The following SLC27A3 variants were observed in gnomAD, a reference collection of about 807,000 sequenced individuals.
The protein encoded by SLC27A3 is solute carrier family 27 member 3.
SLC27A3 carries 60 observed loss-of-function variants against 60.1 expected under a neutral mutation model. That is an observed-to-expected ratio of 1.00 (90% CI 0.81 to 1.24). The LOEUF (loss-of-function observed/expected upper bound fraction) is 1.24. Ranked by LOEUF, SLC27A3 falls within the 50% of genes most tolerant of loss-of-function variation. The pLI is 0.00. For missense variants in SLC27A3, 1,079 were observed against 929.9 expected, an observed-to-expected ratio of 1.16 and a Z score of -2.09; for synonymous variants, 455 against 409.0, an observed-to-expected ratio of 1.11 and a Z score of -1.36.
In SLC27A3 at chr1:153,775,441, T is replaced by A; in HGVS notation, c.-57T>A. The A allele has an allele frequency of 6.2e-7, 1 of 1,612,256 alleles. No individual in the cohort carries two copies. The highest frequency in any genetic ancestry group is 8.5e-7 in the Non-Finnish European group (1 of 1,180,008). ...GGCCCTAGGTTTTCGGAAGGGAGGA[T>A]CAGGGATGTTTGCGAGCGGCTGGAA... On this transcript the variant is annotated 5_prime_UTR_variant, in exon 1 of 10. Transcript: ENST00000624995.
chr1:153,777,670 A>G, intron 3 of SLC27A3, 91 bp from the exon 4 acceptor site: 2 of 1,497,488 alleles, frequency 1.3e-6, no homozygotes, highest in Non-Finnish European at 9.2e-7. Context: ...GAAAGACTAC[A>G]GTGATGGCTG....
chr1:153,776,142 G>A lies in SLC27A3; in HGVS notation c.645G>A (p.Ala215=). 1 of 1,427,764 alleles carries A rather than the reference G, an allele frequency of 7.0e-7. No homozygotes were observed. The highest frequency in any genetic ancestry group is 9.1e-7 in the Non-Finnish European group (1 of 1,103,418). The allele number at this position is 1,427,764 out of a possible 1,614,324, so 88.4% of individuals were successfully genotyped here. The change falls in exon 1 of 10, where the codon GCG becomes GCA. Residue 215 remains alanine (A), a synonymous_variant. Coordinates refer to ENST00000624995, the MANE Select transcript of SLC27A3 (RefSeq NM_024330.4). ...TGCACTGCCTCCGCAGCTGCGGCGC[G>A]CGCGCGCTGGTGCTGGCGCCAGGTA... ...PLLHCLRSCG[A]RALVLAPEFL...
At chr1:153,777,512 TGA>T (rs1414051607) in intron 3 of SLC27A3, 1 of 608,700 alleles carries the variant, frequency 1.6e-6, no homozygotes, top group Non-Finnish European at 2.9e-6. Context: ...GACAAGGAAG[TGA>T]GAGTGTGGAG....
Position 153,777,094 on chromosome 1 carries a change from A to G in SLC27A3, c.910A>G (p.Lys304Glu). 2 of 1,614,214 alleles carry G rather than the reference A, an allele frequency of 1.2e-6. No homozygotes were observed. Among genetic ancestry groups the G allele is most frequent in the East Asian group, 2.2e-5 (1 of 44,884 alleles). The change falls in exon 3 of 10, where the codon AAG becomes GAG. Residue 304 changes from lysine (K) to glutamate (E), a missense_variant. By Grantham distance (56) the Lys-to-Glu change is moderately conservative. Coordinates refer to ENST00000624995, the MANE Select transcript of SLC27A3 (RefSeq NM_024330.4). ...LPKAARISHL[K>E]ILQCQGFYQL... ...CAAGGCTGCTCGGATCAGTCATCTG[A>G]AGATCCTGCAATGCCAGGGCTTCTA...
In SLC27A3 at chr1:153,775,657, G is replaced by A; in HGVS notation, c.160G>A (p.Ala54Thr). ...TCTTCGAGCTCGCGCCCTGGCCGCG[G>A]CTGCCGCCGACCCGGAAGGTCCCGA... Reference protein sequence around the residue: ...RALRARALAAAAADPEGPEGG... With the variant: ...RALRARALAATAADPEGPEGG... Residue 54 changes from alanine to threonine, a missense_variant, in exon 1 of 10, where the codon GCT (alanine) becomes ACT (threonine). Transcript: ENST00000624995. The A allele has an allele frequency of 1.3e-6, 2 of 1,530,334 alleles. No individual in the cohort carries two copies. Among genetic ancestry groups the A allele is most frequent in the Non-Finnish European group, 1.8e-6 (2 of 1,139,746 alleles). The allele number at this position is 1,530,334 out of a possible 1,614,324, so 94.8% of individuals were successfully genotyped here. A position where few individuals can be genotyped will look rare whatever the true frequency, so the allele number is the denominator to read the frequency against.
rs1202502545 is a variant in SLC27A3, at chr1:153,776,022, C to T, written c.525C>T (p.Pro175=). The change falls in exon 1 of 10, where the codon CCC becomes CCT. Residue 175 remains proline, a synonymous_variant. Transcript: ENST00000624995. ...SPGATVALLL[P]AGPEFLWLWF... ...GAGCAACTGTGGCGCTGCTCCTCCC[C>T]GCTGGCCCAGAGTTTCTGTGGCTCT... 2 of 1,453,280 alleles carry T rather than the reference C, an allele frequency of 1.4e-6. No homozygotes were observed. The highest frequency in any genetic ancestry group is 1.8e-6 in the Non-Finnish European group (2 of 1,110,280). 90.0% of individuals were successfully genotyped at this position (1,453,280 alleles called of 1,614,324 possible).
In SLC27A3 at chr1:153,778,283, A is replaced by AGAG. The variant is rs1022250705; in HGVS notation, c.1286_1288dup (p.Glu429dup). 1 of 1,614,140 alleles carries AGAG rather than the reference A, an allele frequency of 6.2e-7. No homozygotes were observed. Among genetic ancestry groups the AGAG allele is most frequent in the African/African-American group, 1.3e-5 (1 of 75,030 alleles). ...AGGTGCTGGAGACATATGGACTGACAGAGGGCAACGTGGCCACCATCAACT... is the reference window on the plus strand; with the variant it reads ...AGGTGCTGGAGACATATGGACTGACAGAGGAGGGCAACGTGGCCACCATCAACT... On this transcript the variant is annotated inframe_insertion, in exon 5 of 10. Transcript: ENST00000624995.
At chr1:153,776,226 A>G (rs1317180023) in intron 1 of SLC27A3, 62 bp downstream of exon 1, 4 of 1,401,858 alleles carry the variant, frequency 2.9e-6, no homozygotes, top group Non-Finnish European at 3.7e-6. Context: ...CGTGTCGGAG[A>G]CCACAGAAAG....
At chr1:153,777,248 A>G (rs760915845) in intron 3 of SLC27A3, 28 bp downstream of exon 3, 2 of 1,613,086 alleles carry the variant, frequency 1.2e-6, no homozygotes, top group East Asian at 2.2e-5. Flanking sequence ...CACCTTCATT[A>G]ATTCATCCAG....
intron 3 of SLC27A3, 30 bp downstream of exon 3, chr1:153,777,250 T>G: frequency 6.2e-7 from 1 of 1,612,966 alleles, no homozygotes; most frequent in Non-Finnish European, 8.5e-7. Context: ...CCTTCATTAA[T>G]TCATCCAGTA....
rs765162301 is a variant in SLC27A3, at chr1:153,776,099, T to C, written c.602T>C (p.Leu201Pro). ...CGCACTGCCTTTGTGCCCACCGCCC[T>C]GCGCCGGGGCCCCCTGCTGCACTGC... The part of the protein sequence containing the change: ...GLRTAFVPTA[L>P]RRGPLLHCLR... The change falls in exon 1 of 10, where the codon CTG becomes CCG. Residue 201 changes from leucine to proline, a missense_variant. Coordinates refer to ENST00000624995, the MANE Select transcript of SLC27A3 (RefSeq NM_024330.4). 14 of 1,481,186 alleles carry C rather than the reference T, an allele frequency of 9.5e-6. No homozygotes were observed. The East Asian group carries it at 3.3e-4, about 35-fold the overall frequency. 91.8% of individuals were successfully genotyped at this position (1,481,186 alleles called of 1,614,324 possible).
rs1188969370 is a variant in SLC27A3, at chr1:153,780,103, G to T, written c.*101G>T. The T allele has an allele frequency of 3.8e-6, 4 of 1,057,238 alleles. No homozygotes were observed. In the Admixed American group the frequency reaches 1.0e-4, roughly 27 times the overall value. 65.5% of individuals were successfully genotyped at this position (1,057,238 alleles called of 1,614,324 possible). A position where few individuals can be genotyped will look rare whatever the true frequency, so the allele number is the denominator to read the frequency against. Reference sequence around the variant, plus strand: ...GGATCTTTTCTATACCAGAACTGCGGTCACTATTTTGTAATAAATGTGGCT... The same window carrying T: ...GGATCTTTTCTATACCAGAACTGCGTTCACTATTTTGTAATAAATGTGGCT... On this transcript the variant is annotated 3_prime_UTR_variant, in exon 10 of 10. Transcript: ENST00000624995.
intron 3 of SLC27A3, 65 bp from the exon 4 acceptor site, chr1:153,777,696 G>T: frequency 6.3e-7 from 1 of 1,590,868 alleles, no homozygotes; most frequent in African/African-American, 1.3e-5. Context: ...TGGAAAGAGG[G>T]GCTTGGGCTC....
chr1:153,778,890 C>G lies in SLC27A3; in HGVS notation c.1646+5C>G. 6.2e-7 allele frequency: 1 copy of G among 1,613,648 alleles called. No individual in the cohort carries two copies. The highest frequency in any genetic ancestry group is 8.5e-7 in the Non-Finnish European group (1 of 1,179,534). On this transcript the variant is annotated splice_donor_5th_base_variant and intron_variant, in intron 7 of 9. Transcript: ENST00000624995. ...TCGTACTGGAGACACCTTCAGGTAT[C>G]TGTCCATAACTGGTTTTTCATCCTG... is the stretch of plus-strand genomic sequence containing the variant.
In SLC27A3 at chr1:153,777,865, T is replaced by C. The variant is rs1315790033; in HGVS notation, c.1141T>C (p.Tyr381His). ...VFQYIGELCR[Y>H]LVNQPPSKAE... ...CCAGTACATTGGGGAGCTGTGCCGA[T>C]ACCTTGTCAACCAGCCCCCGGTGCG... Residue 381 changes from tyrosine (Y) to histidine (H), a missense_variant, in exon 4 of 10, where the codon TAC becomes CAC. Physicochemically the swap from Tyr to His is moderately conservative, Grantham distance 83. Coordinates refer to ENST00000624995, the MANE Select transcript of SLC27A3 (RefSeq NM_024330.4). 1 of 1,614,202 alleles carries C rather than the reference T, an allele frequency of 6.2e-7. No homozygotes were observed. The highest frequency in any genetic ancestry group is 8.5e-7 in the Non-Finnish European group (1 of 1,180,014).
intron 4 of SLC27A3, 39 bp from the exon 5 acceptor site, chr1:153,778,122 T>C (rs1158777063): frequency 6.3e-7 from 1 of 1,575,420 alleles, no homozygotes; most frequent in Non-Finnish European, 8.6e-7. Flanking sequence ...AGCGGGCATC[T>C]TGATGCTGAA....
chr1:153,776,540 G>A lies in SLC27A3; in HGVS notation c.690G>A (p.Pro230=), dbSNP rs773114960. ...TAGAGTTTCTGGAGTCCCTGGAGCC[G>A]GACCTGCCCGCCCTGAGAGCCATGG... ...LAPEFLESLE[P]DLPALRAMGL... The change falls in exon 2 of 10, where the codon CCG becomes CCA. Residue 230 remains proline (P), a synonymous_variant. Transcript: ENST00000624995. The A allele has an allele frequency of 1.3e-5, 21 of 1,613,940 alleles. No individual in the cohort carries two copies. Among genetic ancestry groups the A allele is most frequent in the Admixed American group, 3.3e-5 (2 of 59,996 alleles).
rs761573364 is a variant in SLC27A3 at position 153,777,812 on chromosome 1, A to G, written c.1088A>G (p.Asp363Gly). Residue 363 changes from aspartate to glycine, a missense_variant, in exon 4 of 10, where the codon GAT (aspartate) becomes GGT (glycine). By Grantham distance (94) the Asp-to-Gly change is moderately conservative. Transcript: ENST00000624995. ...SKFSAGQFWEDCQQHRVTVFQ... is the reference protein window; with the variant it reads ...SKFSAGQFWEGCQQHRVTVFQ... ...TTCTCGGCTGGTCAGTTCTGGGAAG[A>G]TTGCCAGCAGCACAGGGTGACGGTG... The G allele has an allele frequency of 2.2e-5, 35 of 1,614,120 alleles. No homozygotes were observed. Among genetic ancestry groups the G allele is most frequent in the Non-Finnish European group, 2.6e-5 (31 of 1,180,044 alleles).
In SLC27A3 at chr1:153,775,686, G is replaced by A. The variant is rs749890535; in HGVS notation, c.189G>A (p.Gly63=). Residue 63 remains glycine, a synonymous_variant, in exon 1 of 10, where the codon GGG becomes GGA. Coordinates refer to ENST00000624995, the MANE Select transcript of SLC27A3 (RefSeq NM_024330.4). ...CCGCCGACCCGGAAGGTCCCGAGGG[G>A]GGCTGCAGCCTGGCCTGGCGCCTCG... The part of the protein sequence containing the change: ...AAAADPEGPE[G]GCSLAWRLAE... The A allele has an allele frequency of 1.3e-6, 2 of 1,530,986 alleles. No homozygotes were observed. Among genetic ancestry groups the A allele is most frequent in the East Asian group, 2.3e-5 (1 of 43,376 alleles). The allele number at this position is 1,530,986 out of a possible 1,614,324, so 94.8% of individuals were successfully genotyped here.
Sources: gnomAD v4.1 joint callset for allele counts on GRCh38, gnomAD v4.1.1 for gene constraint, MANE v1.5 for transcripts, NCBI Gene and HGNC (gene_info 2026-07-23, HGNC 2026-07-21) for gene names.